ESPN: variants seen among roughly 807,000 people sequenced by gnomAD.
The protein encoded by ESPN is espin.
In ESPN, 68 loss-of-function variants were observed where a neutral mutation model predicts 77.7. The ratio of observed to expected loss-of-function variants is 0.87; its 90% CI spans 0.72 to 1.07. The LOEUF (loss-of-function observed/expected upper bound fraction) is 1.07, where lower values mean the gene tolerates loss of function less well. ESPN is among the 50% of genes least tolerant of loss of function. The probability of loss-of-function intolerance (pLI) is 0.00; values close to 1 mark genes in which losing one functional copy is unlikely to be tolerated. For missense variants in ESPN, 1,060 were observed against 1,239.0 expected, an observed-to-expected ratio of 0.86 and a Z score of 2.17; for synonymous variants, 449 against 567.1, an observed-to-expected ratio of 0.79 and a Z score of 2.96.
chr1:6,456,248 C>T (rs372510181), intron 10 of ESPN: 50 of 393,930 alleles, frequency 1.3e-4, no homozygotes, highest in African/African-American at 1.0e-3. Flanking sequence ...TAACGTGGGC[C>T]TGGACGCCTG....
intron 10 of ESPN, chr1:6,455,428 CG>C: frequency 2.5e-6 from 1 of 394,614 alleles, no homozygotes; most frequent in East Asian, 3.6e-5. Flanking sequence ...CCCCGGCTGC[CG>C]GCGAGCAACA....
Position 6,428,958 on chromosome 1 carries a change from G to A in ESPN, c.488+539G>A, listed in dbSNP as rs1037556535. ...CTGGAGGCCATCCAGAGAGCATCTT[G>A]TTATCTCCTGTGGCCCCTCAGCCCG... On this transcript the variant is annotated intron_variant, in intron 2 of 12. Coordinates refer to ENST00000645284, the MANE Select transcript of ESPN (RefSeq NM_031475.3). This position sits in a 1 kb window ranked among gnomAD's most constrained non-coding sequence, Gnocchi z 5.4. Among the ~76,000 whole-genome samples the A allele has an allele frequency of 1.1e-4, 17 of 152,312 alleles. No individual in the cohort carries two copies. The East Asian group carries it at 2.7e-3, about 24-fold the overall frequency.
chr1:6,438,337 C>T (rs756655189), intron 2 of ESPN, among the ~76,000 whole-genome samples: 4 of 152,366 alleles, frequency 2.6e-5, no homozygotes, highest in Non-Finnish European at 5.9e-5. Flanking sequence ...CGCCAGGCAC[C>T]AGGCCTGTGC....
intron 2 of ESPN, among the ~76,000 whole-genome samples, chr1:6,429,094 G>GGGGA (rs373980812): frequency 3.3e-5 from 5 of 149,808 alleles, no homozygotes; most frequent in Middle Eastern, 3.4e-3. Context: ...TGTGAGTCTT[G>GGGGA]GGGAGGGAGG....
At chr1:6,454,914 G>A (rs1245694622) in intron 10 of ESPN, 92 of 386,956 alleles carry the variant, frequency 2.4e-4, no homozygotes, top group East Asian at 3.7e-5. Flanking sequence ...CTGGTGCCGC[G>A]AGGCTGTGGC....
At chr1:6,429,600 C>T (rs1219214475) in intron 2 of ESPN, among the ~76,000 whole-genome samples, 2 of 152,196 alleles carry the variant, frequency 1.3e-5, no homozygotes, top group African/African-American at 2.4e-5. Context: ...GGGGCAGGTG[C>T]CCCTGATGGC....
chr1:6,457,374 T>G lies in ESPN; in HGVS notation c.2417+2T>G. 1 of 1,614,172 alleles carries G rather than the reference T, an allele frequency of 6.2e-7. No individual in the cohort carries two copies. The highest frequency in any genetic ancestry group is 8.5e-7 in the Non-Finnish European group (1 of 1,180,024). On this transcript the variant is annotated splice_donor_variant, in intron 12 of 12. Transcript: ENST00000645284. LOFTEE classifies it high-confidence loss of function. Reference sequence around the variant, plus strand: ...TTTTCCTTCCAGGGAGCAGAAGCGGTGAGTGCAGGGCTGGCCCCAACCTGC... The same window carrying G: ...TTTTCCTTCCAGGGAGCAGAAGCGGGGAGTGCAGGGCTGGCCCCAACCTGC...
rs1407814576 is a variant in ESPN, at chr1:6,450,804, C to T, written c.1916-799C>T. Among the ~76,000 whole-genome samples the T allele has an allele frequency of 6.6e-6, 1 of 151,826 alleles. No homozygotes were observed. Among genetic ancestry groups the T allele is most frequent in the Non-Finnish European group, 1.5e-5 (1 of 67,952 alleles). ...CCCAGCCTGGGAATCCAAGAGCTGTCGGCCCATTTTATTCCTCCCTCCCAG... is the reference window on the plus strand; with the variant it reads ...CCCAGCCTGGGAATCCAAGAGCTGTTGGCCCATTTTATTCCTCCCTCCCAG... On this transcript the variant is annotated intron_variant, in intron 8 of 12. Transcript: ENST00000645284. The surrounding 1 kb of genome is among the most constrained non-coding windows in gnomAD (Gnocchi z 4.3).
At chr1:6,440,591 G>GCCC in intron 3 of ESPN, 35 bp from the exon 4 acceptor site, 3 of 1,066,458 alleles carry the variant, frequency 2.8e-6, no homozygotes, top group Non-Finnish European at 2.7e-6. Flanking sequence ...CTGGCGCCCA[G>GCCC]CCCCCGCCCC....
intron 3 of ESPN, 29 bp downstream of exon 3, chr1:6,440,469 GGGA>G: frequency 6.6e-7 from 1 of 1,513,218 alleles, no homozygotes; most frequent in South Asian, 1.2e-5. Context: ...CGGGGAGCAG[GGGA>G]GGCGGGGCGG....
chr1:6,445,534 G>A, intron 6 of ESPN, 130 bp from the exon 7 acceptor site: 2 of 1,003,154 alleles, frequency 2.0e-6, no homozygotes, highest in Non-Finnish European at 3.1e-6. Context: ...GGCCACAGCA[G>A]GTGTACCAAG....
rs1331872793 is a variant in ESPN at position 6,428,738 on chromosome 1, C to T, written c.488+319C>T. Reference sequence around the variant, plus strand: ...CCTGTTCCCCTTGGGCTGCTTCTGCCGCAGGGGCTCTCTCTGGCTCAGGCT... The same window carrying T: ...CCTGTTCCCCTTGGGCTGCTTCTGCTGCAGGGGCTCTCTCTGGCTCAGGCT... On this transcript the variant is annotated intron_variant, in intron 2 of 12. Transcript: ENST00000645284. The surrounding 1 kb of genome is among the most constrained non-coding windows in gnomAD (Gnocchi z 5.4). Among the ~76,000 whole-genome samples the T allele has an allele frequency of 2.6e-5, 4 of 152,180 alleles. No individual in the cohort carries two copies. The highest frequency in any genetic ancestry group is 4.1e-4 in the South Asian group (2 of 4,820).
chr1:6,426,294 C>G (rs982440162), intron 1 of ESPN, among the ~76,000 whole-genome samples: 1 of 152,242 alleles, frequency 6.6e-6, no homozygotes, highest in African/African-American at 2.4e-5. Flanking sequence ...GCCCTGTTAC[C>G]AGGGCTTCCT....
At chr1:6,436,639 G>A (rs1643447098) in intron 2 of ESPN, among the ~76,000 whole-genome samples, 1 of 151,898 alleles carries the variant, frequency 6.6e-6, no homozygotes. Context: ...TGAGCGGCTG[G>A]GACTACAGGT....
chr1:6,457,054 T>C, intron 10 of ESPN, 130 bp from the exon 11 acceptor site: 1 of 931,416 alleles, frequency 1.1e-6, no homozygotes, highest in South Asian at 1.4e-5. Context: ...GGCACCTCCA[T>C]CCACTTGTCA....
chr1:6,451,734 C>G lies in ESPN; in HGVS notation c.2047C>G (p.Gln683Glu). The change falls in exon 9 of 13, where the codon CAG becomes GAG. Residue 683 changes from glutamine to glutamate, a missense_variant. By Grantham distance (29) the Gln-to-Glu change is conservative (BLOSUM62 2). Around this residue, in one of 3 missense-constraint regions of ESPN, gnomAD observed 374 missense variants for 381.4 expected, o/e 0.98. Coordinates refer to ENST00000645284, the MANE Select transcript of ESPN (RefSeq NM_031475.3). This position sits in a 1 kb window ranked among gnomAD's most constrained non-coding sequence, Gnocchi z 4.3. Reference sequence around the variant, plus strand: ...GACCACAGTGTTCTCAGGCATCGGGCAGCCGGCCTTCCAGGTAGGCGGGCC... The same window carrying G: ...GACCACAGTGTTCTCAGGCATCGGGGAGCCGGCCTTCCAGGTAGGCGGGCC... ...GLTTVFSGIG[Q>E]PAFQPDSPLP... The G allele has an allele frequency of 6.2e-7, 1 of 1,612,570 alleles. No homozygotes were observed.
chr1:6,428,192 G>C lies in ESPN; in HGVS notation c.295-34G>C. On this transcript the variant is annotated intron_variant, in intron 1 of 12. Transcript: ENST00000645284. This position sits in a 1 kb window ranked among gnomAD's most constrained non-coding sequence, Gnocchi z 5.4. ...CCAAGCCAGGGGCGGGGCAGCAACA[G>C]GCTTTAGGACTTGAACCAGCTCTCC... 2 of 1,612,266 alleles carry C rather than the reference G, an allele frequency of 1.2e-6. No individual in the cohort carries two copies. Among genetic ancestry groups the C allele is most frequent in the African/African-American group, 1.3e-5 (1 of 75,048 alleles).
At chr1:6,443,502 C>G (rs1224443081) in intron 5 of ESPN, among the ~76,000 whole-genome samples, 1 of 152,262 alleles carries the variant, frequency 6.6e-6, no homozygotes, top group Non-Finnish European at 1.5e-5. Flanking sequence ...GCCCACGCCA[C>G]CTCCTATGGC....
At position 6,440,716 on chromosome 1, in the gene ESPN, C is replaced by A; in HGVS notation, c.766C>A (p.Leu256Ile). The A allele has an allele frequency of 6.5e-7, 1 of 1,546,304 alleles. No homozygotes were observed. The highest frequency in any genetic ancestry group is 8.7e-7 in the Non-Finnish European group (1 of 1,155,066). The change falls in exon 4 of 13, where the codon CTC (leucine) becomes ATC (isoleucine). Residue 256 changes from leucine (L) to isoleucine (I), a missense_variant. Transcript: ENST00000645284. ...GGCGAGCCGCGGCCACACCAAGGTG[C>A]TCAGCTGGCTGCTGCTGCACGGCGG... ...FAASRGHTKV[L>I]SWLLLHGGEI...
Sources: allele counts gnomAD v4.1 joint callset (sites outside exome capture counted in the v4.1 genomes callset), GRCh38; gene constraint gnomAD v4.1.1; regional missense constraint gnomAD v4.1.1; non-coding constraint Gnocchi (gnomAD v3.1); transcripts MANE v1.5; gene names NCBI Gene and HGNC (gene_info 2026-07-23, HGNC 2026-07-21).